ANO3: variants seen among roughly 807,000 people sequenced by gnomAD.
The protein encoded by ANO3 is anoctamin-3.
A neutral mutation model predicts 144.8 loss-of-function variants in ANO3; 99 were observed. That is an observed-to-expected ratio of 0.68 (90% CI 0.58 to 0.81). The LOEUF (loss-of-function observed/expected upper bound fraction) is 0.81. ANO3 is among the 30% of genes least tolerant of loss of function. The pLI is 0.00. For missense variants in ANO3, 905 were observed against 1,202.2 expected, an observed-to-expected ratio of 0.75 and a Z score of 3.66; for synonymous variants, 414 against 392.6, an observed-to-expected ratio of 1.05 and a Z score of -0.64.
chr11:26,621,338 C>T (rs1182272621), intron 17 of ANO3, among the ~76,000 whole-genome samples: 2 of 152,116 alleles, frequency 1.3e-5, no homozygotes, highest in Non-Finnish European at 2.9e-5. Flanking sequence ...CTTATTGCTG[C>T]CACTCCTTTC....
chr11:26,632,961 TG>T (rs1184090376), intron 18 of ANO3, among the ~76,000 whole-genome samples: 1 of 152,198 alleles, frequency 6.6e-6, no homozygotes, highest in Non-Finnish European at 1.5e-5. Context: ...TCTTACTGAC[TG>T]TTCTTACTGA....
At chr11:26,552,237 C>T (rs988844819) in intron 12 of ANO3, among the ~76,000 whole-genome samples, 4 of 151,982 alleles carry the variant, frequency 2.6e-5, no homozygotes, top group African/African-American at 9.7e-5. Context: ...GGTATCATTA[C>T]TTACTATTGA....
chr11:26,641,840 G>A (rs1020253996), intron 21 of ANO3, 56 bp from the exon 22 acceptor site: 14 of 1,562,614 alleles, frequency 9.0e-6, no homozygotes, highest in African/African-American at 8.2e-5. Flanking sequence ...ACTATACATT[G>A]TTAACCAGAT....
intron 1 of ANO3, among the ~76,000 whole-genome samples, chr11:26,213,400 TCTC>T (rs1851974610): frequency 6.6e-6 from 1 of 152,052 alleles, no homozygotes; most frequent in African/African-American, 2.4e-5. Flanking sequence ...CAGCCCAAAA[TCTC>T]CTTAAGCTGA....
chr11:26,307,721 AAATAATAAT>A (rs56805697), upstream of ANO3, among the ~76,000 whole-genome samples: 197 of 142,500 alleles, frequency 1.4e-3, no homozygotes, highest in South Asian at 7.0e-3. Flanking sequence ...CTCCGTCTCT[AAATAATAAT>A]AATAATAATA....
chr11:26,450,163 T>C (rs4923359), intron 3 of ANO3, among the ~76,000 whole-genome samples: 96,618 of 152,040 alleles, frequency 0.64, 33,175 homozygotes, highest in Admixed American at 0.79. Flanking sequence ...GTTCACTAGA[T>C]GATAGTAACT....
At chr11:26,327,530 G>A (rs1854915767), upstream of ANO3, among the ~76,000 whole-genome samples, 1 of 152,118 alleles carries the variant, frequency 6.6e-6, no homozygotes, top group African/African-American at 2.4e-5. Flanking sequence ...AGCAGCAAAA[G>A]CAGACCAATA....
chr11:26,485,283 C>T (rs149242157), intron 4 of ANO3, among the ~76,000 whole-genome samples: 129 of 152,132 alleles, frequency 8.5e-4, no homozygotes, highest in African/African-American at 3.0e-3. Context: ...GAGGACAGAC[C>T]TGGTGGAATG....
intron 1 of ANO3, among the ~76,000 whole-genome samples, chr11:26,365,983 TA>T (rs1564984927): frequency 0.027 from 56 of 2,078 alleles, no homozygotes; most frequent in Admixed American, 0.066. Flanking sequence ...TATATATATA[TA>T]TATATATATA....
chr11:26,565,890 A>G lies in ANO3; in HGVS notation c.1447+6111A>G, dbSNP rs574156507. 4.3e-5 allele frequency: 67 copies of G among 1,572,958 alleles called. No homozygotes were observed. In the South Asian group the frequency reaches 7.5e-4, roughly 18 times the overall value. Reference sequence around the variant, plus strand: ...CTTCTTTGGTATTGGTTTTTTTTTAAAGGAATCTGAAAGAAAATAACCATA... The same window carrying G: ...CTTCTTTGGTATTGGTTTTTTTTTAGAGGAATCTGAAAGAAAATAACCATA... On this transcript the variant is annotated intron_variant, in intron 14 of 26. Coordinates refer to ENST00000256737, the MANE Select transcript of ANO3 (RefSeq NM_031418.4).
chr11:26,234,347 A>T (rs1852468356), intron 1 of ANO3, among the ~76,000 whole-genome samples: 1 of 152,154 alleles, frequency 6.6e-6, no homozygotes, highest in South Asian at 2.1e-4. Context: ...ATACTTAGAT[A>T]TGCCATATAT....
At chr11:26,573,548 G>C (rs956649098) in intron 14 of ANO3, among the ~76,000 whole-genome samples, 5 of 152,022 alleles carry the variant, frequency 3.3e-5, no homozygotes, top group African/African-American at 4.8e-5. Flanking sequence ...CTTTTCCCTA[G>C]GCCTTTTCTG....
chr11:26,657,961 T>C (rs961034484), intron 26 of ANO3, among the ~76,000 whole-genome samples: 11 of 152,328 alleles, frequency 7.2e-5, no homozygotes, highest in Admixed American at 1.3e-4. Context: ...GCAGGAACTT[T>C]TTAGCTCGAT....
In ANO3 at chr11:26,423,309, C is replaced by CTTTTT. The variant is rs142064982; in HGVS notation, c.47-18595_47-18591dup. Among the ~76,000 whole-genome samples the CTTTTT allele has an allele frequency of 2.2e-3, 291 of 135,124 alleles. 7 individuals carry two copies. Among genetic ancestry groups the CTTTTT allele is most frequent in the Non-Finnish European group, 3.2e-3 (201 of 63,280 alleles). The allele number at this position is 135,124 out of a possible 152,430, so 88.6% of individuals were successfully genotyped here. ...ATAATACCCTGTATATACCTTTATA[C>CTTTTT]TTTTTTTTTTTTTTTTTTAACAATT... On this transcript the variant is annotated intron_variant, in intron 1 of 26. Coordinates refer to ENST00000256737, the MANE Select transcript of ANO3 (RefSeq NM_031418.4).
intron 1 of ANO3, among the ~76,000 whole-genome samples, chr11:26,249,896 G>T (rs757416627): frequency 6.6e-5 from 10 of 152,076 alleles, no homozygotes; most frequent in East Asian, 1.9e-4. Context: ...ATACACTGTC[G>T]CAGGGATCTA....
At chr11:26,264,322 T>C (rs1853259062) in intron 1 of ANO3, among the ~76,000 whole-genome samples, 1 of 152,188 alleles carries the variant, frequency 6.6e-6, no homozygotes, top group African/African-American at 2.4e-5. Flanking sequence ...AAACTAGCAC[T>C]AATACTATCA....
rs114059269 is a variant in ANO3 at position 26,332,133 on chromosome 11, G to A, written c.-143G>A. 1,650 of 1,517,534 alleles carry A rather than the reference G, an allele frequency of 1.1e-3. 15 individuals are homozygous for A. In the African/African-American group the frequency reaches 0.021, roughly 19 times the overall value. 94.0% of individuals were successfully genotyped at this position (1,517,534 alleles called of 1,614,324 possible). A position where few individuals can be genotyped will look rare whatever the true frequency, so the allele number is the denominator to read the frequency against. On this transcript the variant is annotated 5_prime_UTR_variant, in exon 1 of 27. Transcript: ENST00000256737. ...GACACCGGCGGGCGCGTAGCCTGGA[G>A]AGCGAAGTGCCGGCTACAGCAGGTG...
intron 1 of ANO3, among the ~76,000 whole-genome samples, chr11:26,375,574 G>A (rs1280935436): frequency 6.6e-6 from 1 of 152,170 alleles, no homozygotes; most frequent in Non-Finnish European, 1.5e-5. Flanking sequence ...AACAATGGGA[G>A]ATTCAGCAGA....
chr11:26,534,461 T>C lies in ANO3; in HGVS notation c.875T>C (p.Ile292Thr). The C allele has an allele frequency of 6.2e-7, 1 of 1,608,382 alleles. No homozygotes were observed. Among genetic ancestry groups the C allele is most frequent in the Non-Finnish European group, 8.5e-7 (1 of 1,175,492 alleles). Residue 292 changes from isoleucine (I) to threonine (T), a missense_variant, in exon 9 of 27, where the codon ATA (isoleucine) becomes ACA (threonine). Transcript: ENST00000256737. The stretch of plus-strand genomic sequence containing the variant: ...CAATCCCCTCATCTTAACAGCTTCA[T>C]AATAAATAATAAAGACACCTTCTTC... ...PFSRARIHHF[I>T]INNKDTFFSN...
Sources: allele counts gnomAD v4.1 joint callset (sites outside exome capture counted in the v4.1 genomes callset), GRCh38; gene constraint gnomAD v4.1.1; transcripts MANE v1.5; gene names NCBI Gene and HGNC (gene_info 2026-07-23, HGNC 2026-07-21).